MTUS2: variants seen among roughly 807,000 people sequenced by gnomAD.
MTUS2 encodes the protein microtubule-associated tumor suppressor candidate 2.
Under a neutral mutation model 114.1 loss-of-function variants are expected in MTUS2, and 40 were observed. That is an observed-to-expected ratio of 0.35 (90% CI 0.27 to 0.46). The LOEUF (loss-of-function observed/expected upper bound fraction) is 0.46, where lower values mean the gene tolerates loss of function less well. Ranked by LOEUF, MTUS2 falls within the 20% of genes least tolerant of loss-of-function variation. MTUS2 has a pLI of 1.00. For missense variants in MTUS2, 1,679 were observed against 1,705.4 expected (o/e 0.98, Z 0.27); for synonymous variants, 688 against 672.0 (o/e 1.02, Z -0.37).
intron 8 of MTUS2, among the ~76,000 whole-genome samples, chr13:29,389,691 A>ACATATATG (rs1490806647): frequency 1.4e-5 from 2 of 140,290 alleles, no homozygotes; most frequent in African/African-American, 5.4e-5. Context: ...ATGTATGTAT[A>ACATATATG]TATGTGTATA....
intron 5 of MTUS2, among the ~76,000 whole-genome samples, chr13:29,117,692 T>C (rs1891146390): frequency 6.6e-6 from 1 of 152,164 alleles, no homozygotes. Context: ...GAATTATTTT[T>C]CCAGCACCAT....
chr13:29,417,705 G>A (rs1329915732), intron 8 of MTUS2, among the ~76,000 whole-genome samples: 2 of 151,578 alleles, frequency 1.3e-5, no homozygotes, highest in African/African-American at 4.8e-5. Flanking sequence ...TATTCATTTT[G>A]TATTTTTTAT....
At chr13:29,031,305 A>ACGTC (rs1886812212) in intron 3 of MTUS2, among the ~76,000 whole-genome samples, 1 of 8,892 alleles carries the variant, frequency 1.1e-4, no homozygotes, top group South Asian at 7.9e-3. Context: ...ATCTATACTT[A>ACGTC]TGTCTCTCAA....
chr13:29,269,378 A>G (rs1897790056), intron 5 of MTUS2, among the ~76,000 whole-genome samples: 1 of 152,236 alleles, frequency 6.6e-6, no homozygotes, highest in Non-Finnish European at 1.5e-5. Context: ...TACATTCCTC[A>G]AGTTTCAAAA....
intron 5 of MTUS2, among the ~76,000 whole-genome samples, chr13:29,262,820 A>G (rs1897527629): frequency 6.6e-6 from 1 of 152,174 alleles, no homozygotes; most frequent in Non-Finnish European, 1.5e-5. Context: ...TGCATGAGAC[A>G]GGATCTCATA....
chr13:29,255,713 T>A (rs1338772976), intron 5 of MTUS2, among the ~76,000 whole-genome samples: 1 of 107,968 alleles, frequency 9.3e-6, no homozygotes, highest in African/African-American at 3.6e-5. Context: ...GCCTGGGGGG[T>A]GGGGGAGGGG....
chr13:29,316,431 G>A (rs1465659907), intron 6 of MTUS2, among the ~76,000 whole-genome samples: 1 of 152,180 alleles, frequency 6.6e-6, no homozygotes, highest in South Asian at 2.1e-4. Context: ...CTGGCCCCCA[G>A]CATTTGAAAA....
intron 2 of MTUS2, among the ~76,000 whole-genome samples, chr13:28,901,865 C>G (rs1879665794): frequency 6.6e-6 from 1 of 151,982 alleles, no homozygotes; most frequent in African/African-American, 2.4e-5. Context: ...TTAAAATAAG[C>G]TTGTTCATCT....
chr13:29,323,123 A>G (rs1347749354), intron 6 of MTUS2, among the ~76,000 whole-genome samples: 1 of 152,164 alleles, frequency 6.6e-6, no homozygotes. Flanking sequence ...TCCTCTGAAG[A>G]TCCTGGTCTG....
chr13:28,920,066 C>G (rs766159702), intron 2 of MTUS2, among the ~76,000 whole-genome samples: 1 of 152,100 alleles, frequency 6.6e-6, no homozygotes, highest in Non-Finnish European at 1.5e-5. Flanking sequence ...AGGATTGGTC[C>G]CTGATGCCTT....
intron 6 of MTUS2, among the ~76,000 whole-genome samples, chr13:29,290,010 G>C (rs558013664): frequency 6.6e-6 from 1 of 152,098 alleles, no homozygotes; most frequent in Admixed American, 6.6e-5. Context: ...TCAGAAACCT[G>C]CATTCACTAG....
rs1878900915 is a variant in MTUS2 at position 29,453,606 on chromosome 13, A to C, written c.3184+13557A>C. 2.0e-5 allele frequency among the ~76,000 whole-genome samples: 3 copies of C among 152,278 alleles called. No individual in the cohort carries two copies. The South Asian group carries it at 6.2e-4, about 32-fold the overall frequency. The stretch of plus-strand genomic sequence containing the variant: ...GGTTCAGAAAAGGAGGTAGGGGAAA[A>C]ACAGCTTAAAGGAAATGTAGGAGTC... On this transcript the variant is annotated intron_variant, in intron 9 of 15. Transcript: ENST00000612955.
At chr13:29,408,605 A>G (rs1389507338) in intron 8 of MTUS2, among the ~76,000 whole-genome samples, 1 of 152,204 alleles carries the variant, frequency 6.6e-6, no homozygotes, top group Non-Finnish European at 1.5e-5. Context: ...GGTGTGAGCC[A>G]CAAAACCTAG....
At chr13:28,878,322 T>A (rs1391921359) in intron 2 of MTUS2, among the ~76,000 whole-genome samples, 6 of 151,976 alleles carry the variant, frequency 3.9e-5, no homozygotes, top group African/African-American at 7.2e-5. Context: ...CACATATACA[T>A]TTTTTGTTTT....
At chr13:29,112,101 G>A (rs1322374727) in intron 5 of MTUS2, among the ~76,000 whole-genome samples, 2 of 152,176 alleles carry the variant, frequency 1.3e-5, no homozygotes, top group Non-Finnish European at 2.9e-5. Context: ...ACTACATCCA[G>A]CAGATTTGGG....
At chr13:29,270,270 G>C (rs1897832548) in intron 5 of MTUS2, among the ~76,000 whole-genome samples, 1 of 152,088 alleles carries the variant, frequency 6.6e-6, no homozygotes, top group Admixed American at 6.5e-5. Flanking sequence ...AAATCAAAGA[G>C]CAAAAAACCA....
chr13:29,096,001 T>C (rs945050146), intron 4 of MTUS2, among the ~76,000 whole-genome samples: 2 of 152,170 alleles, frequency 1.3e-5, no homozygotes, highest in Admixed American at 6.5e-5. Flanking sequence ...TTCTAGTATC[T>C]GAATCACCCT....
chr13:29,206,738 G>A (rs9314938), intron 5 of MTUS2, among the ~76,000 whole-genome samples: 112,272 of 151,988 alleles, frequency 0.74, 41,562 homozygotes, highest in East Asian at 0.8. Flanking sequence ...CTTTATTTCT[G>A]GGTTCTCTAT....
intron 7 of MTUS2, among the ~76,000 whole-genome samples, chr13:29,337,667 T>TC (rs1901142953): frequency 6.6e-6 from 1 of 151,214 alleles, no homozygotes; most frequent in Non-Finnish European, 1.5e-5. Context: ...AGTGGCACAA[T>TC]TTTGGCTCAT....
Sources: gnomAD v4.1 joint callset for allele counts (sites outside exome capture counted in the v4.1 genomes callset) on GRCh38, gnomAD v4.1.1 for gene constraint, MANE v1.5 for transcripts, NCBI Gene and HGNC (gene_info 2026-07-23, HGNC 2026-07-21) for gene names.